Variants in SPOPL observed in about 807,000 individuals in gnomAD.
SPOPL encodes speckle type BTB/POZ protein like, also known as speckle-type POZ protein-like.
In SPOPL, 23 loss-of-function variants were observed where a neutral mutation model predicts 53.8. That is an observed-to-expected ratio of 0.43 (90% CI 0.31 to 0.61). The LOEUF (loss-of-function observed/expected upper bound fraction) is 0.61, where lower values mean the gene tolerates loss of function less well. SPOPL is among the 20% of genes least tolerant of loss of function. The pLI is 0.12. For missense variants in SPOPL, 442 were observed against 466.9 expected (o/e 0.95, Z 0.49); for synonymous variants, 164 against 149.7 (o/e 1.10, Z -0.70).
chr2:138,559,157 G>T lies in SPOPL; in HGVS notation c.616G>T (p.Val206Leu), dbSNP rs558526111. 5 of 1,613,584 alleles carry T rather than the reference G, an allele frequency of 3.1e-6. No individual in the cohort carries two copies. Among genetic ancestry groups the T allele is most frequent in the Admixed American group, 1.7e-5 (1 of 59,980 alleles). The change falls in exon 6 of 11, where the codon GTG (valine) becomes TTG (leucine). Residue 206 changes from valine (V) to leucine (L), a missense_variant. By Grantham distance (32) the Val-to-Leu change is conservative. Coordinates refer to ENST00000280098, the MANE Select transcript of SPOPL (RefSeq NM_001001664.3). ...AAGATTTACAGACTGCAGTTTTTTC[G>T]TGAGAGGACAAGAATTTAAAGCTCA... ...NTRFTDCSFF[V>L]RGQEFKAHKS...
At chr2:138,562,687 G>A (rs1378206991) in intron 8 of SPOPL, among the ~76,000 whole-genome samples, 1 of 151,590 alleles carries the variant, frequency 6.6e-6, no homozygotes, top group African/African-American at 2.4e-5. Context: ...GGGAGGCTGA[G>A]GCAGGAGAAT....
chr2:138,528,152 G>T (rs955853446), intron 1 of SPOPL, among the ~76,000 whole-genome samples: 1 of 152,180 alleles, frequency 6.6e-6, no homozygotes, highest in Non-Finnish European at 1.5e-5. Context: ...CCTTTAGAGG[G>T]CAATTGTTGG....
rs1258880174 is a variant in SPOPL, at chr2:138,545,101, G to A, written c.-60-5056G>A. Among the ~76,000 whole-genome samples the A allele has an allele frequency of 4.1e-4, 62 of 152,248 alleles. 1 individual carries two copies. The highest frequency in any genetic ancestry group is 1.4e-3 in the African/African-American group (60 of 41,554). ...TTTGATAAATGCCATATCCCAGAAT[G>A]CTGTCCCCTACCTCAGGGAAGCTCC... On this transcript the variant is annotated intron_variant, in intron 1 of 10. Coordinates refer to ENST00000280098, the MANE Select transcript of SPOPL (RefSeq NM_001001664.3).
intron 1 of SPOPL, among the ~76,000 whole-genome samples, chr2:138,523,972 C>G (rs1684614055): frequency 6.6e-6 from 1 of 152,152 alleles, no homozygotes; most frequent in African/African-American, 2.4e-5. Context: ...TGAGAGGTGA[C>G]CCAGTAGGAT....
In SPOPL at chr2:138,507,107, A is replaced by G. The variant is rs572621195; in HGVS notation, c.-61+4988A>G. On this transcript the variant is annotated intron_variant, in intron 1 of 10. Coordinates refer to ENST00000280098, the MANE Select transcript of SPOPL (RefSeq NM_001001664.3). ...AAGAGCATACGCTGAATTTAGCAAC[A>G]TGAAGAAAATTTTATATTTCTGGTT... 5.9e-5 allele frequency among the ~76,000 whole-genome samples: 9 copies of G among 152,338 alleles called. No homozygotes were observed. In the South Asian group the frequency reaches 1.7e-3, roughly 28 times the overall value.
intron 1 of SPOPL, among the ~76,000 whole-genome samples, chr2:138,515,756 G>A (rs1047219542): frequency 4.6e-5 from 7 of 152,080 alleles, no homozygotes; most frequent in African/African-American, 9.7e-5. Flanking sequence ...TATGCACATC[G>A]ACTCTTAACT....
At chr2:138,505,084 C>T (rs1429581067) in intron 1 of SPOPL, among the ~76,000 whole-genome samples, 1 of 149,078 alleles carries the variant, frequency 6.7e-6, no homozygotes, top group East Asian at 1.9e-4. Context: ...TGTTGATTTA[C>T]TTTAGAGAAG....
rs569571911 is a variant in SPOPL at position 138,516,672 on chromosome 2, C to T, written c.-61+14553C>T. 1.4e-4 allele frequency among the ~76,000 whole-genome samples: 21 copies of T among 152,150 alleles called. No individual in the cohort carries two copies. In the South Asian group the frequency reaches 4.4e-3, roughly 32 times the overall value. ...CTAACTACCAGTAGAAGAGGTGAGC[C>T]CATGATAGCCAGGGAAAAGAGGGGA... On this transcript the variant is annotated intron_variant, in intron 1 of 10. Coordinates refer to ENST00000280098, the MANE Select transcript of SPOPL (RefSeq NM_001001664.3).
chr2:138,521,014 T>C lies in SPOPL; in HGVS notation c.-61+18895T>C, dbSNP rs1479403924. Among the ~76,000 whole-genome samples the C allele has an allele frequency of 3.3e-5, 5 of 152,222 alleles. No individual in the cohort carries two copies. The East Asian group carries it at 7.7e-4, about 23-fold the overall frequency. On this transcript the variant is annotated intron_variant, in intron 1 of 10. Transcript: ENST00000280098. ...TGGACTTGTCACAACTAGCATGCCA[T>C]ATAAATGTAGTTGTTTGCAAATGAT...
chr2:138,526,589 G>A (rs764801885), intron 1 of SPOPL, among the ~76,000 whole-genome samples: 16 of 151,410 alleles, frequency 1.1e-4, no homozygotes, highest in South Asian at 6.2e-4. Flanking sequence ...TTTTTTACTC[G>A]TAAGGGTGTG....
intron 10 of SPOPL, 129 bp from the exon 11 acceptor site, chr2:138,568,807 A>C: frequency 1.1e-6 from 1 of 943,950 alleles, no homozygotes; most frequent in Non-Finnish European, 1.6e-6. Context: ...AATAAAAGCA[A>C]ATGATTTGAA....
intron 1 of SPOPL, among the ~76,000 whole-genome samples, chr2:138,538,101 T>A (rs926151993): frequency 6.6e-6 from 1 of 152,218 alleles, no homozygotes; most frequent in Non-Finnish European, 1.5e-5. Flanking sequence ...TAAATTTTTT[T>A]AAATTCGTCG....
chr2:138,514,486 G>A (rs781762223), intron 1 of SPOPL, among the ~76,000 whole-genome samples: 3 of 152,188 alleles, frequency 2.0e-5, no homozygotes, highest in Non-Finnish European at 4.4e-5. Context: ...GGGGTCCCAA[G>A]GGTTTTTTCC....
chr2:138,510,270 C>T (rs569017749), intron 1 of SPOPL, among the ~76,000 whole-genome samples: 3 of 152,188 alleles, frequency 2.0e-5, no homozygotes, highest in Non-Finnish European at 4.4e-5. Context: ...GGTAAGAGTA[C>T]GTTTAGTTTT....
At chr2:138,557,562 T>C (rs542153349) in intron 5 of SPOPL, among the ~76,000 whole-genome samples, 26 of 152,330 alleles carry the variant, frequency 1.7e-4, no homozygotes, top group African/African-American at 6.3e-4. Flanking sequence ...GATTCTGTTT[T>C]CTGCATAGTT....
Position 138,571,239 on chromosome 2 carries a change from A to G in SPOPL, c.*2159A>G, listed in dbSNP as rs993788111. On this transcript the variant is annotated 3_prime_UTR_variant, in exon 11 of 11. Transcript: ENST00000280098. ...GTACTGATGTATCCATTTATATCCA[A>G]TGCGCACCACACCGGCACATTGTGA... 1 of 152,450 alleles carries G rather than the reference A, an allele frequency of 6.6e-6. No individual in the cohort carries two copies. Among genetic ancestry groups the G allele is most frequent in the Non-Finnish European group, 1.5e-5 (1 of 68,014 alleles). 9.4% of individuals were successfully genotyped at this position (152,450 alleles called of 1,614,324 possible).
intron 1 of SPOPL, among the ~76,000 whole-genome samples, chr2:138,509,799 A>G (rs949023718): frequency 6.6e-6 from 1 of 152,116 alleles, no homozygotes; most frequent in Non-Finnish European, 1.5e-5. Context: ...TTTACCTTAG[A>G]TTCATGGTTG....
chr2:138,502,535 T>C (rs1684127550), intron 1 of SPOPL, among the ~76,000 whole-genome samples: 1 of 152,176 alleles, frequency 6.6e-6, no homozygotes, highest in Admixed American at 6.5e-5. Flanking sequence ...CCGCGCAGCG[T>C]CCACTTTCAT....
rs146399125 is a variant in SPOPL, at chr2:138,549,825, A to T, written c.-60-332A>T. On this transcript the variant is annotated intron_variant, in intron 1 of 10. Transcript: ENST00000280098. ...AAAAAGGTGAAGGAGGATGAACCAGATATTAACTGATGTCATTATGTTTCC... is the reference window on the plus strand; with the variant it reads ...AAAAAGGTGAAGGAGGATGAACCAGTTATTAACTGATGTCATTATGTTTCC... Among the ~76,000 whole-genome samples the T allele has an allele frequency of 5.0e-3, 754 of 152,212 alleles. 6 individuals carry two copies. Among genetic ancestry groups the T allele is most frequent in the African/African-American group, 0.018 (728 of 41,550 alleles).
Sources: gnomAD v4.1 joint callset for allele counts (sites outside exome capture counted in the v4.1 genomes callset) on GRCh38, gnomAD v4.1.1 for gene constraint, MANE v1.5 for transcripts, NCBI Gene and HGNC (gene_info 2026-07-23, HGNC 2026-07-21) for gene names.